NDUFA9: variants seen among roughly 807,000 people sequenced by gnomAD.
NDUFA9 encodes NADH dehydrogenase [ubiquinone] 1 alpha subcomplex subunit 9, mitochondrial.
A neutral mutation model predicts 45.9 loss-of-function variants in NDUFA9; 23 were observed. The ratio of observed to expected loss-of-function variants is 0.50; its 90% CI spans 0.36 to 0.71. The LOEUF is 0.71. Among genes scored for constraint, NDUFA9 ranks in the 30% least tolerant of loss-of-function variants. NDUFA9 has a pLI of 0.00. For synonymous variants in NDUFA9, 176 were observed against 170.5 expected, an observed-to-expected ratio of 1.03 and a Z score of -0.25; for missense variants, 466 against 488.2, an observed-to-expected ratio of 0.95 and a Z score of 0.43.
intron 8 of NDUFA9, among the ~76,000 whole-genome samples, chr12:4,672,651 A>G (rs544709941): frequency 6.6e-6 from 1 of 152,380 alleles, no homozygotes; most frequent in East Asian, 1.9e-4. Context: ...CAGCTCAGGA[A>G]GACACTGTGG....
In NDUFA9 at chr12:4,693,249, C is replaced by A. The variant is rs181860793; in HGVS notation, c.*6141C>A. The stretch of plus-strand genomic sequence containing the variant: ...ATGAGGTGGGAAGTCTTTCTTTACA[C>A]TTAGATGAAAACTCCATCGGACCCC... On this transcript the variant is annotated 3_prime_UTR_variant, in exon 11 of 11. Coordinates refer to ENST00000266544, the MANE Select transcript of NDUFA9 (RefSeq NM_005002.5). 1 of 152,292 alleles carries A rather than the reference C, an allele frequency of 6.6e-6. No individual in the cohort carries two copies. Among genetic ancestry groups the A allele is most frequent in the Admixed American group, 6.5e-5 (1 of 15,274 alleles). 9.4% of individuals were successfully genotyped at this position (152,292 alleles called of 1,614,324 possible).
Position 4,654,905 on chromosome 12 carries a change from G to A in NDUFA9, c.301G>A (p.Gly101Ser), listed in dbSNP as rs367678013. The change falls in exon 3 of 11, where the codon GGC (glycine) becomes AGC (serine). Residue 101 changes from glycine to serine, a missense_variant. Transcript: ENST00000266544. The part of the protein sequence containing the change: ...IMHLRPMGDL[G>S]QLLFLEWDAR... ...GCACCTTCGTCCCATGGGTGACCTGGGCCAGCTTCTGTTTCTGGTAAGGGC... is the reference window on the plus strand; with the variant it reads ...GCACCTTCGTCCCATGGGTGACCTGAGCCAGCTTCTGTTTCTGGTAAGGGC... 2 of 1,613,336 alleles carry A rather than the reference G, an allele frequency of 1.2e-6. No homozygotes were observed. Among genetic ancestry groups the A allele is most frequent in the Admixed American group, 1.7e-5 (1 of 59,866 alleles).
chr12:4,658,278 C>G (rs1208471403), intron 4 of NDUFA9, among the ~76,000 whole-genome samples: 1 of 152,170 alleles, frequency 6.6e-6, no homozygotes, highest in African/African-American at 2.4e-5. Flanking sequence ...TGTTTATTAA[C>G]AAATAATGTT....
chr12:4,688,920 T>C lies in NDUFA9; in HGVS notation c.*1812T>C, dbSNP rs1407305426. On this transcript the variant is annotated 3_prime_UTR_variant, in exon 11 of 11. Coordinates refer to ENST00000266544, the MANE Select transcript of NDUFA9 (RefSeq NM_005002.5). ...TTGAAAAGGAACTATAATTCTATAATGCACAGTGTCCTCTCTTAGAATATC... is the reference window on the plus strand; with the variant it reads ...TTGAAAAGGAACTATAATTCTATAACGCACAGTGTCCTCTCTTAGAATATC... 6.6e-6 allele frequency: 1 copy of C among 152,252 alleles called. No homozygotes were observed. Among genetic ancestry groups the C allele is most frequent in the Non-Finnish European group, 1.5e-5 (1 of 68,050 alleles). The allele number at this position is 152,252 out of a possible 1,614,324, so 9.4% of individuals were successfully genotyped here. A position where few individuals can be genotyped will look rare whatever the true frequency, so the allele number is the denominator to read the frequency against.
rs141646645 is a variant in NDUFA9, at chr12:4,686,332, T to G, written c.964-606T>G. On this transcript the variant is annotated intron_variant, in intron 10 of 10. Transcript: ENST00000266544. ...TTTGCAAACTTTACAGTTCATTATC[T>G]TTCCCTATAAACAAGATGGGTTTGG... 7.9e-3 allele frequency among the ~76,000 whole-genome samples: 1,208 copies of G among 152,292 alleles called. 8 individuals are homozygous for G. The highest frequency in any genetic ancestry group is 0.02 in the African/African-American group (847 of 41,552).
At chr12:4,650,112 T>A (rs2137458887) in intron 1 of NDUFA9, among the ~76,000 whole-genome samples, 1 of 152,344 alleles carries the variant, frequency 6.6e-6, no homozygotes, top group East Asian at 1.9e-4. Flanking sequence ...AAATTAGAAA[T>A]GAGGACTGAG....
intron 6 of NDUFA9, among the ~76,000 whole-genome samples, chr12:4,665,369 A>G (rs1945847120): frequency 6.6e-6 from 1 of 152,242 alleles, no homozygotes; most frequent in African/African-American, 2.4e-5. Context: ...TTGACTTAGC[A>G]TAATATGCTC....
intron 6 of NDUFA9, among the ~76,000 whole-genome samples, chr12:4,663,585 C>T (rs895868559): frequency 6.6e-6 from 1 of 152,196 alleles, no homozygotes; most frequent in African/African-American, 2.4e-5. Flanking sequence ...AATCTGCTGT[C>T]TACAAGCCAG....
At position 4,693,817 on chromosome 12, in the gene NDUFA9, T is replaced by C. The variant is rs1946029587; in HGVS notation, c.*6709T>C. On this transcript the variant is annotated 3_prime_UTR_variant, in exon 11 of 11. Coordinates refer to ENST00000266544, the MANE Select transcript of NDUFA9 (RefSeq NM_005002.5). ...CTGGGTGGAAGCAGTAGTAAGAAAT[T>C]TGAATTAAGGAATCGTAAGGGAATC... is the stretch of plus-strand genomic sequence containing the variant. 2 of 152,190 alleles carry C rather than the reference T, an allele frequency of 1.3e-5. No individual in the cohort carries two copies. The highest frequency in any genetic ancestry group is 6.5e-5 in the Admixed American group (1 of 15,282). 9.4% of individuals were successfully genotyped at this position (152,190 alleles called of 1,614,324 possible).
intron 4 of NDUFA9, among the ~76,000 whole-genome samples, chr12:4,658,624 C>G (rs879717909): frequency 2.4e-4 from 37 of 152,242 alleles, no homozygotes; most frequent in Middle Eastern, 3.4e-3. Flanking sequence ...CTCAGGATTC[C>G]CTGATAATGC....
rs1946027836 is a variant in NDUFA9 at position 4,693,369 on chromosome 12, T to G, written c.*6261T>G. 1 of 152,218 alleles carries G rather than the reference T, an allele frequency of 6.6e-6. No homozygotes were observed. Among genetic ancestry groups the G allele is most frequent in the Non-Finnish European group, 1.5e-5 (1 of 68,040 alleles). 9.4% of individuals were successfully genotyped at this position (152,218 alleles called of 1,614,324 possible). ...ATTTGATAATTAGGATGCCCAGTGT[T>G]GTGTAATAATTAAAGCGTTAAATTT... is the stretch of plus-strand genomic sequence containing the variant. On this transcript the variant is annotated 3_prime_UTR_variant, in exon 11 of 11. Transcript: ENST00000266544.
chr12:4,669,058 A>G (rs1945870455), intron 7 of NDUFA9, among the ~76,000 whole-genome samples: 2 of 152,206 alleles, frequency 1.3e-5, no homozygotes, highest in Non-Finnish European at 2.9e-5. Context: ...GTGAAAGAGC[A>G]TGTTGGATTC....
rs1233686937 is a variant in NDUFA9, at chr12:4,693,472, C to T, written c.*6364C>T. On this transcript the variant is annotated 3_prime_UTR_variant, in exon 11 of 11. Transcript: ENST00000266544. Reference sequence around the variant, plus strand: ...CTGTATTTTCATTTATCTCCACCCCCAGTTTACCAGCAGTGGTTATCCTCT... The same window carrying T: ...CTGTATTTTCATTTATCTCCACCCCTAGTTTACCAGCAGTGGTTATCCTCT... 2 of 152,216 alleles carry T rather than the reference C, an allele frequency of 1.3e-5. No individual in the cohort carries two copies. Among genetic ancestry groups the T allele is most frequent in the Non-Finnish European group, 2.9e-5 (2 of 68,044 alleles). 9.4% of individuals were successfully genotyped at this position (152,216 alleles called of 1,614,324 possible). A position where few individuals can be genotyped will look rare whatever the true frequency, so the allele number is the denominator to read the frequency against.
At chr12:4,650,227 G>C (rs1945749370) in intron 1 of NDUFA9, among the ~76,000 whole-genome samples, 1 of 152,074 alleles carries the variant, frequency 6.6e-6, no homozygotes, top group African/African-American at 2.4e-5. Context: ...AGAATTAGGA[G>C]TGTTTAGAGG....
chr12:4,668,571 C>T, intron 7 of NDUFA9, 47 bp downstream of exon 7: 1 of 1,486,810 alleles, frequency 6.7e-7, no homozygotes, highest in Non-Finnish European at 9.4e-7. Flanking sequence ...TTGATGAATT[C>T]AGATTTGAGT....
rs1182573053 is a variant in NDUFA9, at chr12:4,693,314, A to G, written c.*6206A>G. The G allele has an allele frequency of 1.3e-5, 2 of 152,080 alleles. No homozygotes were observed. Among genetic ancestry groups the G allele is most frequent in the East Asian group, 1.9e-4 (1 of 5,208 alleles). The allele number at this position is 152,080 out of a possible 1,614,324, so 9.4% of individuals were successfully genotyped here. A position where few individuals can be genotyped will look rare whatever the true frequency, so the allele number is the denominator to read the frequency against. The stretch of plus-strand genomic sequence containing the variant: ...TTGTTCAGGTAATAATTTTAATTCT[A>G]TAATAAAATCTCAAGTTATAATAGG... On this transcript the variant is annotated 3_prime_UTR_variant, in exon 11 of 11. Transcript: ENST00000266544.
chr12:4,654,504 A>G (rs1945778108), intron 2 of NDUFA9, 42 bp downstream of exon 2: 1 of 1,600,588 alleles, frequency 6.2e-7, no homozygotes, highest in Non-Finnish European at 8.6e-7. Context: ...ATTGCCATTG[A>G]TCAGGATTGC....
chr12:4,672,990 GC>G (rs1945896552), intron 8 of NDUFA9, among the ~76,000 whole-genome samples: 1 of 152,182 alleles, frequency 6.6e-6, no homozygotes, highest in Non-Finnish European at 1.5e-5. Context: ...GATCTGGTTG[GC>G]ATCTGGCAGG....
At chr12:4,651,299 A>C (rs541301912) in intron 1 of NDUFA9, among the ~76,000 whole-genome samples, 22 of 152,322 alleles carry the variant, frequency 1.4e-4, no homozygotes, top group Non-Finnish European at 2.5e-4. Context: ...AATAGTACTC[A>C]TAATAAATGG....
Sources: allele counts gnomAD v4.1 joint callset (sites outside exome capture counted in the v4.1 genomes callset), GRCh38; gene constraint gnomAD v4.1.1; transcripts MANE v1.5; gene names NCBI Gene and HGNC (gene_info 2026-07-23, HGNC 2026-07-21).